The following CASTOR2 variants were observed in gnomAD, a reference collection of about 807,000 sequenced individuals.
CASTOR2 encodes the protein cytosolic arginine sensor for mTORC1 subunit 2.
A neutral mutation model predicts 31.2 loss-of-function variants in CASTOR2; 8 were observed. The ratio of observed to expected loss-of-function variants is 0.26; its 90% confidence interval spans 0.15 to 0.46. The LOEUF is 0.46. CASTOR2 is among the 20% of genes least tolerant of loss of function. CASTOR2 has a pLI of 0.99. For synonymous variants in CASTOR2, 162 were observed against 158.7 expected (o/e 1.02, Z -0.16); for missense variants, 216 against 382.1 (o/e 0.57, Z 3.62).
intron 1 of CASTOR2, among the ~76,000 whole-genome samples, chr7:74,979,516 C>T (rs1284280325): frequency 5.2e-5 from 4 of 77,658 alleles, no homozygotes; most frequent in Non-Finnish European, 9.7e-5. Context: ...CTCAGCCTCC[C>T]GAGTAGCTGG....
chr7:75,002,268 A>C lies in CASTOR2; in HGVS notation c.114-5726A>C, dbSNP rs1804516277. On this transcript the variant is annotated intron_variant, in intron 1 of 8. Coordinates refer to ENST00000616305, the MANE Select transcript of CASTOR2 (RefSeq NM_001145064.3). ...AGAGGAGATGTTTGAACTGAGTCTT[A>C]AAGGATGAACATGAAATCTTCAGCC... Among the ~76,000 whole-genome samples the C allele has an allele frequency of 2.6e-5, 4 of 152,190 alleles. No homozygotes were observed. In the South Asian group the frequency reaches 8.3e-4, roughly 32 times the overall value.
intron 1 of CASTOR2, among the ~76,000 whole-genome samples, chr7:75,007,450 C>T (rs1804632962): frequency 6.6e-6 from 1 of 152,110 alleles, no homozygotes; most frequent in South Asian, 2.1e-4. Flanking sequence ...CCAAAAATGT[C>T]ACGGATGGCT....
At chr7:74,986,880 T>C (rs377046822) in intron 1 of CASTOR2, among the ~76,000 whole-genome samples, 137,980 of 152,012 alleles carry the variant, frequency 0.91, 62,741 homozygotes, top group East Asian at 0.98. Context: ...ACCCCCATCT[T>C]GATAAAATTT....
Position 75,018,969 on chromosome 7 carries a change from C to T in CASTOR2, c.512-3C>T, listed in dbSNP as rs1400986233. ...AGTGCCTGACATCTTTGTGCTCTTA[C>T]AGTCCAGAGGCCAGTCATCCACCCA... On this transcript the variant is annotated splice_region_variant and splice_polypyrimidine_tract_variant and intron_variant, in intron 4 of 8. Coordinates refer to ENST00000616305, the MANE Select transcript of CASTOR2 (RefSeq NM_001145064.3). The T allele has an allele frequency of 3.9e-6, 6 of 1,551,842 alleles. No homozygotes were observed. Among genetic ancestry groups the T allele is most frequent in the Non-Finnish European group, 5.2e-6 (6 of 1,147,020 alleles).
chr7:75,019,918 C>A, intron 5 of CASTOR2, 121 bp from the exon 6 acceptor site: 1 of 820,034 alleles, frequency 1.2e-6, no homozygotes, highest in Non-Finnish European at 1.9e-6. Flanking sequence ...ATGAGAAGGA[C>A]ACTGGCCCAG....
intron 2 of CASTOR2, among the ~76,000 whole-genome samples, chr7:75,012,491 G>GAGAC (rs1224119366): frequency 6.6e-6 from 1 of 150,926 alleles, no homozygotes; most frequent in African/African-American, 2.4e-5. Flanking sequence ...ATTTTTAGTA[G>GAGAC]AGACAGGGTT....
At chr7:75,008,703 T>TA (rs1312628856) in intron 2 of CASTOR2, among the ~76,000 whole-genome samples, 9 of 151,624 alleles carry the variant, frequency 5.9e-5, no homozygotes, top group Non-Finnish European at 8.8e-5. Context: ...CTCTTAAAAA[T>TA]AAAAAAAATA....
At chr7:74,990,050 A>G (rs1230147578) in intron 1 of CASTOR2, among the ~76,000 whole-genome samples, 1 of 151,986 alleles carries the variant, frequency 6.6e-6, no homozygotes, top group African/African-American at 2.4e-5. Flanking sequence ...AAAAATACAC[A>G]TCTATAAGAA....
At chr7:75,011,916 G>A (rs1484971739) in intron 2 of CASTOR2, among the ~76,000 whole-genome samples, 1 of 150,692 alleles carries the variant, frequency 6.6e-6, no homozygotes, top group Admixed American at 6.6e-5. Flanking sequence ...GCAGTGAGCC[G>A]AGATCGCGCC....
chr7:75,000,665 T>C (rs1258152265), intron 1 of CASTOR2, among the ~76,000 whole-genome samples: 1 of 152,040 alleles, frequency 6.6e-6, no homozygotes. Context: ...TTTGTTTGTT[T>C]GTTTGTTTTT....
chr7:75,029,587 G>A lies in CASTOR2; in HGVS notation c.*4888G>A, dbSNP rs1805242424. ...TTGAACTCCTGACCTCAGGTGATCC[G>A]CCCACCTTGGCCTCCCAAAGTGCTG... On this transcript the variant is annotated 3_prime_UTR_variant, in exon 9 of 9. Transcript: ENST00000616305. Among the ~76,000 whole-genome samples the A allele has an allele frequency of 6.6e-6, 1 of 151,868 alleles. No individual in the cohort carries two copies. Among genetic ancestry groups the A allele is most frequent in the African/African-American group, 2.4e-5 (1 of 41,348 alleles).
In CASTOR2 at chr7:75,030,624, G is replaced by A. The variant is rs1181939567; in HGVS notation, c.*5925G>A. ...GCAGGAGGCCTCAGTCCTTCCCCAGGTGGGCCAACCCACAGGGCTGCTTGA... is the reference window on the plus strand; with the variant it reads ...GCAGGAGGCCTCAGTCCTTCCCCAGATGGGCCAACCCACAGGGCTGCTTGA... On this transcript the variant is annotated 3_prime_UTR_variant, in exon 9 of 9. Transcript: ENST00000616305. Among the ~76,000 whole-genome samples the A allele has an allele frequency of 6.6e-6, 1 of 152,128 alleles. No individual in the cohort carries two copies. Among genetic ancestry groups the A allele is most frequent in the Non-Finnish European group, 1.5e-5 (1 of 68,020 alleles).
chr7:75,020,876 C>T (rs1014107059), intron 6 of CASTOR2, among the ~76,000 whole-genome samples: 8 of 152,034 alleles, frequency 5.3e-5, no homozygotes, highest in African/African-American at 1.7e-4. Flanking sequence ...GGCTCACTGC[C>T]ACCTCTGCCT....
At chr7:74,999,856 G>T (rs1452810895) in intron 1 of CASTOR2, among the ~76,000 whole-genome samples, 12 of 151,812 alleles carry the variant, frequency 7.9e-5, no homozygotes, top group African/African-American at 2.9e-4. Flanking sequence ...CTTGTGATCC[G>T]CCTGCCTTGG....
rs1805284507 is a variant in CASTOR2 at position 75,030,902 on chromosome 7, TG to T, written c.*6207del. On this transcript the variant is annotated 3_prime_UTR_variant, in exon 9 of 9. Coordinates refer to ENST00000616305, the MANE Select transcript of CASTOR2 (RefSeq NM_001145064.3). The stretch of plus-strand genomic sequence containing the variant: ...TGGGGGCCGGCACTCCCTCATCTAC[TG>T]GGGCTCATTCTGGAAGAAGGTCCAG... Among the ~76,000 whole-genome samples the T allele has an allele frequency of 6.6e-6, 1 of 152,142 alleles. No individual in the cohort carries two copies. Among genetic ancestry groups the T allele is most frequent in the Non-Finnish European group, 1.5e-5 (1 of 68,030 alleles).
At chr7:75,010,680 G>C (rs1275093620) in intron 2 of CASTOR2, among the ~76,000 whole-genome samples, 1 of 152,126 alleles carries the variant, frequency 6.6e-6, no homozygotes, top group Non-Finnish European at 1.5e-5. Context: ...CACTGGGAAA[G>C]CAGGTTTCAA....
chr7:74,983,371 T>C lies in CASTOR2; in HGVS notation c.113+18273T>C, dbSNP rs1803991126. Among the ~76,000 whole-genome samples, 3 of 150,640 alleles carry C rather than the reference T, an allele frequency of 2.0e-5. No individual in the cohort carries two copies. In the South Asian group the frequency reaches 6.3e-4, roughly 32 times the overall value. On this transcript the variant is annotated intron_variant, in intron 1 of 8. Coordinates refer to ENST00000616305, the MANE Select transcript of CASTOR2 (RefSeq NM_001145064.3). Reference sequence around the variant, plus strand: ...GCTTTTCTCCACCCTCTTCAGACTTTGTTCTAGTCTACAATTTCCCTCCTG... The same window carrying C: ...GCTTTTCTCCACCCTCTTCAGACTTCGTTCTAGTCTACAATTTCCCTCCTG...
At chr7:75,016,717 G>A (rs1346646918) in intron 2 of CASTOR2, among the ~76,000 whole-genome samples, 3 of 152,204 alleles carry the variant, frequency 2.0e-5, no homozygotes, top group Admixed American at 2.0e-4. Flanking sequence ...ACCCACTACT[G>A]ATGCCATCGT....
At chr7:74,995,756 C>T (rs1216858627) in intron 1 of CASTOR2, among the ~76,000 whole-genome samples, 5 of 151,088 alleles carry the variant, frequency 3.3e-5, no homozygotes, top group African/African-American at 1.2e-4. Context: ...TGCAGTGAGC[C>T]GAGATCACGC....
Sources: gnomAD v4.1 joint callset for allele counts (sites outside exome capture counted in the v4.1 genomes callset) on GRCh38, gnomAD v4.1.1 for gene constraint, MANE v1.5 for transcripts, NCBI Gene and HGNC (gene_info 2026-07-23, HGNC 2026-07-21) for gene names.